The following HEMK2 variants were observed in gnomAD, a reference collection of about 807,000 sequenced individuals.
HEMK2 encodes the protein methyltransferase HEMK2.
At chr21:28,733,095 C>T in the HEMK2 span, among the ~76,000 whole-genome samples, 10 of 152,072 alleles carry the variant, frequency 6.6e-5, no homozygotes, top group East Asian at 1.9e-4. Context: ...CTGGCTAACA[C>T]GGTGAAACCC....
At chr21:28,595,496 T>A in the HEMK2 span, among the ~76,000 whole-genome samples, 23 of 152,362 alleles carry the variant, frequency 1.5e-4, no homozygotes, top group Non-Finnish European at 3.2e-4. Context: ...ATCCATGTTG[T>A]TGCAAATGAC....
At chr21:28,624,547 T>G in the HEMK2 span, among the ~76,000 whole-genome samples, 1 of 152,220 alleles carries the variant, frequency 6.6e-6, no homozygotes, top group African/African-American at 2.4e-5. Flanking sequence ...TAGGGCATGA[T>G]GACACCCACA....
At chr21:28,816,376 T>A in the HEMK2 span, among the ~76,000 whole-genome samples, 4 of 152,202 alleles carry the variant, frequency 2.6e-5, no homozygotes, top group Non-Finnish European at 5.9e-5. Flanking sequence ...AATAATTTTT[T>A]AAAAGTTATC....
At chr21:28,856,040 T>G in the HEMK2 span, among the ~76,000 whole-genome samples, 1 of 152,138 alleles carries the variant, frequency 6.6e-6, no homozygotes, top group African/African-American at 2.4e-5. Context: ...TTAGGTAAAA[T>G]GTATTCAGAA....
chr21:28,601,089 G>A, the HEMK2 span, among the ~76,000 whole-genome samples: 2 of 152,168 alleles, frequency 1.3e-5, no homozygotes, highest in Admixed American at 1.3e-4. Flanking sequence ...ACCTTCAGCT[G>A]CAACCATTGC....
the HEMK2 span, among the ~76,000 whole-genome samples, chr21:28,712,944 C>A: frequency 6.6e-6 from 1 of 152,106 alleles, no homozygotes; most frequent in African/African-American, 2.4e-5. Flanking sequence ...TACATACATA[C>A]GAATATGATG....
At chr21:28,871,224 A>G in the HEMK2 span, among the ~76,000 whole-genome samples, 1 of 152,196 alleles carries the variant, frequency 6.6e-6, no homozygotes, top group Non-Finnish European at 1.5e-5. Flanking sequence ...GAGACTGGGT[A>G]AAGAAAAGAA....
chr21:28,884,035 C>T, the HEMK2 span, among the ~76,000 whole-genome samples: 1 of 152,202 alleles, frequency 6.6e-6, no homozygotes, highest in East Asian at 1.9e-4. Flanking sequence ...TGGAACCAGT[C>T]TACACATCTG....
At chr21:28,597,017 C>G in the HEMK2 span, among the ~76,000 whole-genome samples, 2 of 152,182 alleles carry the variant, frequency 1.3e-5, no homozygotes, top group Middle Eastern at 6.8e-3. Flanking sequence ...TTAAACTAGC[C>G]TATTTTGATT....
chr21:28,805,611 T>C, the HEMK2 span, among the ~76,000 whole-genome samples: 1 of 152,210 alleles, frequency 6.6e-6, no homozygotes, highest in Non-Finnish European at 1.5e-5. Flanking sequence ...GAGTCCCTGA[T>C]TCTTTCAACT....
the HEMK2 span, among the ~76,000 whole-genome samples, chr21:28,748,265 G>A: frequency 6.6e-6 from 1 of 152,054 alleles, no homozygotes; most frequent in Non-Finnish European, 1.5e-5. Context: ...AATCTACAAT[G>A]AACATTGAAA....
chr21:28,748,631 A>C, the HEMK2 span, among the ~76,000 whole-genome samples: 1 of 152,252 alleles, frequency 6.6e-6, no homozygotes, highest in Non-Finnish European at 1.5e-5. Flanking sequence ...GATTTGGGAC[A>C]AAGCATACAT....
the HEMK2 span, among the ~76,000 whole-genome samples, chr21:28,807,615 G>C: frequency 6.6e-6 from 1 of 152,170 alleles, no homozygotes; most frequent in Non-Finnish European, 1.5e-5. Context: ...CCTGATAAGG[G>C]AATGTGGCCT....
chr21:28,624,856 C>T, the HEMK2 span, among the ~76,000 whole-genome samples: 1 of 152,186 alleles, frequency 6.6e-6, no homozygotes, highest in African/African-American at 2.4e-5. Flanking sequence ...CTACACCAAG[C>T]ACCAAAGAGG....
At chr21:28,760,045 T>A in the HEMK2 span, among the ~76,000 whole-genome samples, 1 of 152,094 alleles carries the variant, frequency 6.6e-6, no homozygotes, top group Admixed American at 6.6e-5. Flanking sequence ...TGGACTTCTT[T>A]CCTTACAGTA....
At chr21:28,735,037 G>A in the HEMK2 span, among the ~76,000 whole-genome samples, 11 of 152,098 alleles carry the variant, frequency 7.2e-5, no homozygotes, top group East Asian at 7.7e-4. Flanking sequence ...GGGGCTCCTC[G>A]GCACTGCTTC....
At chr21:28,589,126 G>A in the HEMK2 span, among the ~76,000 whole-genome samples, 1 of 152,042 alleles carries the variant, frequency 6.6e-6, no homozygotes, top group Non-Finnish European at 1.5e-5. Context: ...CATTATAGTT[G>A]ATAAACAGAT....
At chr21:28,651,219 G>T in the HEMK2 span, among the ~76,000 whole-genome samples, 1 of 152,098 alleles carries the variant, frequency 6.6e-6, no homozygotes, top group East Asian at 1.9e-4. Flanking sequence ...ACATAATAAA[G>T]ACCTATTTCA....
At chr21:28,768,515 C>T in the HEMK2 span, among the ~76,000 whole-genome samples, 1 of 152,016 alleles carries the variant, frequency 6.6e-6, no homozygotes. Flanking sequence ...GGAAATCAGA[C>T]CTTATTCTCC....
Sources: gnomAD v4.1 joint callset for allele counts (sites outside exome capture counted in the v4.1 genomes callset) on GRCh38, gnomAD v4.1.1 for gene constraint, MANE v1.5 for transcripts, NCBI Gene and HGNC (gene_info 2026-07-23, HGNC 2026-07-21) for gene names.